The following ARHGAP22 variants were observed in gnomAD, a reference collection of about 807,000 sequenced individuals.
ARHGAP22 encodes the protein Rho GTPase activating protein 22, also known as rho GTPase-activating protein 22.
ARHGAP22 carries 48 observed loss-of-function variants against 59.1 expected under a neutral mutation model. The observed-to-expected ratio is 0.81, with a 90% CI of 0.64 to 1.03. The LOEUF (loss-of-function observed/expected upper bound fraction) is 1.03. ARHGAP22 is among the 50% of genes least tolerant of loss of function. The probability of loss-of-function intolerance (pLI) is 0.00; values close to 1 mark genes in which losing one functional copy is unlikely to be tolerated. For missense variants in ARHGAP22, 1,015 were observed against 958.7 expected (o/e 1.06, Z -0.78); for synonymous variants, 445 against 416.4 (o/e 1.07, Z -0.84).
chr10:48,624,685 T>C (rs1479475977), intron 1 of ARHGAP22, among the ~76,000 whole-genome samples: 2 of 152,190 alleles, frequency 1.3e-5, no homozygotes, highest in Non-Finnish European at 2.9e-5. Flanking sequence ...GAGAACATGA[T>C]TGGGTTAACC....
intron 1 of ARHGAP22, among the ~76,000 whole-genome samples, chr10:48,651,047 G>C (rs1046488076): frequency 2.0e-5 from 3 of 152,190 alleles, no homozygotes; most frequent in Non-Finnish European, 4.4e-5. Context: ...CCCACCCTGG[G>C]CTTGGTCCAC....
chr10:48,537,011 G>C (rs1203037552), intron 3 of ARHGAP22, among the ~76,000 whole-genome samples: 1 of 152,032 alleles, frequency 6.6e-6, no homozygotes, highest in Non-Finnish European at 1.5e-5. Context: ...CCATCACCAA[G>C]GGCTGCAAAA....
intron 1 of ARHGAP22, among the ~76,000 whole-genome samples, chr10:48,648,701 G>A (rs78641580): frequency 0.01 from 1,560 of 152,316 alleles, 35 homozygotes; most frequent in African/African-American, 0.036. Flanking sequence ...AAAATGGTCC[G>A]GAGAGTGGGC....
chr10:48,510,352 A>C (rs532741090), intron 3 of ARHGAP22, among the ~76,000 whole-genome samples: 1 of 152,234 alleles, frequency 6.6e-6, no homozygotes, highest in African/African-American at 2.4e-5. Flanking sequence ...AACAGAGAGC[A>C]CTGGGGCCTG....
intron 1 of ARHGAP22, among the ~76,000 whole-genome samples, chr10:48,616,178 T>C (rs906288347): frequency 2.0e-5 from 3 of 152,190 alleles, no homozygotes; most frequent in Non-Finnish European, 4.4e-5. Flanking sequence ...TTTAGCGTCT[T>C]GGTGTCAACA....
intron 3 of ARHGAP22, among the ~76,000 whole-genome samples, chr10:48,509,066 TC>T (rs2052472121): frequency 6.6e-6 from 1 of 152,232 alleles, no homozygotes; most frequent in Admixed American, 6.5e-5. Context: ...TCTCCTGGGT[TC>T]CCCCTGTTAT....
chr10:48,481,620 G>A (rs180737910), intron 3 of ARHGAP22, among the ~76,000 whole-genome samples: 3 of 152,040 alleles, frequency 2.0e-5, no homozygotes, highest in Middle Eastern at 3.2e-3. Context: ...CTGCCCCAAC[G>A]TGCTCTCAGC....
rs372149117 is a variant in ARHGAP22 at position 48,637,609 on chromosome 10, G to A, written c.52+14625C>T. ...ATGGATAAATGGTGGATGGGTGGGTGAATGGATGGATGGCAAATGGGTGAA... is the reference window on the plus strand; with the variant it reads ...ATGGATAAATGGTGGATGGGTGGGTAAATGGATGGATGGCAAATGGGTGAA... On this transcript the variant is annotated intron_variant, in intron 1 of 9. Coordinates refer to the ARHGAP22 transcript ENST00000435790. 2.6e-5 allele frequency among the ~76,000 whole-genome samples: 4 copies of A among 152,088 alleles called. No homozygotes were observed. In the East Asian group the frequency reaches 5.8e-4, roughly 22 times the overall value.
chr10:48,612,340 C>A (rs755886680), intron 1 of ARHGAP22, among the ~76,000 whole-genome samples: 1 of 152,222 alleles, frequency 6.6e-6, no homozygotes, highest in African/African-American at 2.4e-5. Context: ...TCTCCCTCTT[C>A]GGAAGCTACA....
intron 1 of ARHGAP22, chr10:48,624,013 C>T (rs559129979): frequency 6.6e-6 from 1 of 152,342 alleles, no homozygotes; most frequent in East Asian, 1.9e-4. Flanking sequence ...CTTGGCTTCC[C>T]ATGCCTGCTT....
rs754323569 is a variant in ARHGAP22 at position 48,583,028 on chromosome 10, G to A, written c.159C>T (p.Asn53=). The part of the protein sequence containing the change: ...WLKKQRSIMK[N]WQQRWFVLRG... ...GCAGCACAAACCAGCGCTGCTGCCA[G>A]TTCTTCATGATGCTCCTCTGCTTCT... The change falls in exon 2 of 10, where the codon AAC becomes AAT. Residue 53 remains asparagine (N), a synonymous_variant. Transcript: ENST00000249601. 6.2e-7 allele frequency: 1 copy of A among 1,614,268 alleles called. No homozygotes were observed. Among genetic ancestry groups the A allele is most frequent in the Non-Finnish European group, 8.5e-7 (1 of 1,180,050 alleles).
intron 3 of ARHGAP22, among the ~76,000 whole-genome samples, chr10:48,518,755 T>C (rs892135301): frequency 6.6e-6 from 1 of 152,088 alleles, no homozygotes; most frequent in African/African-American, 2.4e-5. Flanking sequence ...GGACTGGAGT[T>C]GAGGAGGGTC....
intron 6 of ARHGAP22, 78 bp from the exon 7 acceptor site, chr10:48,454,239 A>G: frequency 7.5e-7 from 1 of 1,332,672 alleles, no homozygotes; most frequent in Non-Finnish European, 1.1e-6. Context: ...AGGGGTGGGC[A>G]AAGAGAAGGG....
At chr10:48,515,553 C>T (rs1050139548) in intron 3 of ARHGAP22, among the ~76,000 whole-genome samples, 1 of 152,084 alleles carries the variant, frequency 6.6e-6, no homozygotes, top group Non-Finnish European at 1.5e-5. Context: ...ACTTGAATAA[C>T]ATAAGGAATC....
chr10:48,454,268 C>A (rs1589441479), intron 6 of ARHGAP22, 107 bp from the exon 7 acceptor site: 1 of 1,039,994 alleles, frequency 9.6e-7, no homozygotes, highest in Non-Finnish European at 1.5e-6. Flanking sequence ...GCTACGGCAG[C>A]CCAGCCCCAA....
At chr10:48,501,279 G>T (rs968838558) in intron 3 of ARHGAP22, among the ~76,000 whole-genome samples, 1 of 152,198 alleles carries the variant, frequency 6.6e-6, no homozygotes, top group Non-Finnish European at 1.5e-5. Context: ...AGACTGGCTT[G>T]TGCCTTCTGA....
intron 3 of ARHGAP22, among the ~76,000 whole-genome samples, chr10:48,483,855 G>A (rs1243972886): frequency 1.5e-5 from 1 of 64,846 alleles, no homozygotes; most frequent in Admixed American, 2.3e-4. Flanking sequence ...TGTTTCCTTT[G>A]CTGTGCAGAA....
At chr10:48,602,895 T>G (rs2060467075) in intron 1 of ARHGAP22, among the ~76,000 whole-genome samples, 2 of 152,224 alleles carry the variant, frequency 1.3e-5, no homozygotes, top group South Asian at 4.1e-4. Flanking sequence ...ACTTGAACTA[T>G]ACTATAACTG....
chr10:48,552,383 G>C lies in ARHGAP22; in HGVS notation c.322+3080C>G, dbSNP rs553813195. ...GCGGGGCTGTTAGGCTCCTTCCTGCGCCTGTTAGTTCACTGCTCACAGAGC... is the reference window on the plus strand; with the variant it reads ...GCGGGGCTGTTAGGCTCCTTCCTGCCCCTGTTAGTTCACTGCTCACAGAGC... On this transcript the variant is annotated intron_variant, in intron 3 of 9. Transcript: ENST00000249601. Among the ~76,000 whole-genome samples the C allele has an allele frequency of 5.3e-5, 8 of 152,360 alleles. No individual in the cohort carries two copies. In the South Asian group the frequency reaches 1.7e-3, roughly 32 times the overall value.
Sources: allele counts gnomAD v4.1 joint callset (sites outside exome capture counted in the v4.1 genomes callset), GRCh38; gene constraint gnomAD v4.1.1; transcripts MANE v1.5; gene names NCBI Gene and HGNC (gene_info 2026-07-23, HGNC 2026-07-21).